Variants in NGFR observed in about 807,000 individuals in gnomAD.
NGFR encodes the protein nerve growth factor receptor, also known as tumor necrosis factor receptor superfamily member 16.
In NGFR, 30 loss-of-function variants were observed where a neutral mutation model predicts 43.2. That is an observed-to-expected ratio of 0.69 (90% confidence interval 0.52 to 0.94). NGFR has a LOEUF of 0.94. NGFR is among the 40% of genes least tolerant of loss of function. NGFR has a pLI of 0.00. For synonymous variants in NGFR, 246 were observed against 259.6 expected, an observed-to-expected ratio of 0.95 and a Z score of 0.50; for missense variants, 529 against 602.5, an observed-to-expected ratio of 0.88 and a Z score of 1.28.
At position 49,495,569 on chromosome 17, in the gene NGFR, C is replaced by CAGAG; in HGVS notation, c.66+87_66+90dup. The CAGAG allele has an allele frequency of 9.1e-7, 1 of 1,093,774 alleles. No homozygotes were observed. Among genetic ancestry groups the CAGAG allele is most frequent in the Non-Finnish European group, 1.2e-6 (1 of 859,490 alleles). The allele number at this position is 1,093,774 out of a possible 1,614,324, so 67.8% of individuals were successfully genotyped here. ...GGGCGCCGCCACCAAGGAAACAGAA[C>CAGAG]AGAGCATTGGGGTCCCAGATACTGA... On this transcript the variant is annotated intron_variant, in intron 1 of 5. Transcript: ENST00000172229. The surrounding 1 kb of genome is among the most constrained non-coding windows in gnomAD (Gnocchi z 6.4).
chr17:49,510,877 C>T, intron 4 of NGFR: 1 of 595,858 alleles, frequency 1.7e-6, no homozygotes. Flanking sequence ...CCTCTCCTGC[C>T]CTGTCCTGGC....
chr17:49,501,207 C>T (rs900146586), intron 1 of NGFR, among the ~76,000 whole-genome samples: 2 of 152,214 alleles, frequency 1.3e-5, no homozygotes, highest in Admixed American at 6.5e-5. Context: ...CCCTTGGTTC[C>T]AGCCCTGTTC....
At chr17:49,507,337 C>G (rs1377710180) in intron 3 of NGFR, among the ~76,000 whole-genome samples, 4 of 152,134 alleles carry the variant, frequency 2.6e-5, no homozygotes, top group African/African-American at 9.7e-5. Context: ...CAACCGTGTT[C>G]CGCAGTTTAG....
chr17:49,505,967 T>TG, intron 2 of NGFR: 1 of 320,306 alleles, frequency 3.1e-6, no homozygotes, highest in South Asian at 1.1e-4. Context: ...TTAATCATGC[T>TG]GGGAACATAG....
rs1021995062 is a variant in NGFR, at chr17:49,506,388, G to A, written c.298G>A (p.Val100Met). 1.9e-6 allele frequency: 3 copies of A among 1,602,356 alleles called. No homozygotes were observed. Among genetic ancestry groups the A allele is most frequent in the Non-Finnish European group, 2.5e-6 (3 of 1,177,424 alleles). ...VGLQSMSAPC[V>M]EADDAVCRCA... Reference sequence around the variant, plus strand: ...GCTCCAGAGCATGTCGGCGCCGTGCGTGGAGGCCGACGACGCCGTGTGCCG... The same window carrying A: ...GCTCCAGAGCATGTCGGCGCCGTGCATGGAGGCCGACGACGCCGTGTGCCG... The change falls in exon 3 of 6, where the codon GTG (valine) becomes ATG (methionine). Residue 100 changes from valine to methionine, a missense_variant. Coordinates refer to ENST00000172229, the MANE Select transcript of NGFR (RefSeq NM_002507.4).
intron 1 of NGFR, chr17:49,496,284 C>T (rs1391704929): frequency 6.6e-6 from 1 of 152,282 alleles, no homozygotes; most frequent in African/African-American, 2.4e-5. Context: ...CGCTCCTGCT[C>T]GCGGCCTCTC....
chr17:49,513,160 C>T lies in NGFR; in HGVS notation c.*151C>T, dbSNP rs1331226624. The T allele has an allele frequency of 2.8e-5, 22 of 796,260 alleles. No homozygotes were observed. Among genetic ancestry groups the T allele is most frequent in the Non-Finnish European group, 2.7e-5 (14 of 520,800 alleles). The allele number at this position is 796,260 out of a possible 1,614,324, so 49.3% of individuals were successfully genotyped here. On this transcript the variant is annotated 3_prime_UTR_variant, in exon 6 of 6. Coordinates refer to ENST00000172229, the MANE Select transcript of NGFR (RefSeq NM_002507.4). ...GGACCTCAGAGTCCAGGCCCCAAAACCACAGCCCTGTCAGTGCAGCCCGTG... is the reference window on the plus strand; with the variant it reads ...GGACCTCAGAGTCCAGGCCCCAAAATCACAGCCCTGTCAGTGCAGCCCGTG...
At chr17:49,501,999 A>ATGGGGGGCC in intron 1 of NGFR, 64 bp from the exon 2 acceptor site, 1 of 330,984 alleles carries the variant, frequency 3.0e-6, no homozygotes, top group Non-Finnish European at 5.9e-6. Context: ...TCCCCGGAAG[A>ATGGGGGGCC]ACCCCCCCCA....
chr17:49,502,000 A>AGGGCCCCC, intron 1 of NGFR, 63 bp from the exon 2 acceptor site: 11 of 264,880 alleles, frequency 4.2e-5, no homozygotes, highest in East Asian at 1.7e-4. Flanking sequence ...CCCCGGAAGA[A>AGGGCCCCC]CCCCCCCCAA....
At chr17:49,506,699 G>GGGGGGGGGGGGGGGGGGGGGGGGGGCCC in intron 3 of NGFR, 41 bp downstream of exon 3, 1 of 402,094 alleles carries the variant, frequency 2.5e-6, no homozygotes, top group Non-Finnish European at 4.3e-6. Flanking sequence ...GGGGTGCGGG[G>GGGGGGGGGGGGGGGGGGGGGGGGGGCCC]GTGGGCTGGG....
chr17:49,510,218 T>C (rs1049564495), intron 3 of NGFR, among the ~76,000 whole-genome samples, 194 bp from the exon 4 acceptor site: 7 of 152,192 alleles, frequency 4.6e-5, no homozygotes, highest in Non-Finnish European at 1.0e-4. Flanking sequence ...CTGAAGGAGA[T>C]GCAGCTCTGT....
At position 49,512,472 on chromosome 17, in the gene NGFR, G is replaced by C. The variant is rs986179651; in HGVS notation, c.983-236G>C. On this transcript the variant is annotated intron_variant, in intron 5 of 5. Coordinates refer to ENST00000172229, the MANE Select transcript of NGFR (RefSeq NM_002507.4). This position sits in a 1 kb window ranked among gnomAD's most constrained non-coding sequence, Gnocchi z 5.2. The stretch of plus-strand genomic sequence containing the variant: ...CCTCCTCTGCCATGATTAATTGCTG[G>C]GGGGGAAGAGAGGAGGGATGGGGAT... Among the ~76,000 whole-genome samples, 1 of 152,196 alleles carries C rather than the reference G, an allele frequency of 6.6e-6. No individual in the cohort carries two copies. The highest frequency in any genetic ancestry group is 1.5e-5 in the Non-Finnish European group (1 of 68,034).
chr17:49,500,049 A>G (rs12450859), intron 1 of NGFR, among the ~76,000 whole-genome samples: 14,214 of 147,644 alleles, frequency 0.096, 807 homozygotes, highest in East Asian at 0.24. Context: ...CAGAAAAGCT[A>G]TATTAAAAAA....
chr17:49,503,204 G>A (rs2071177864), intron 2 of NGFR, among the ~76,000 whole-genome samples: 1 of 152,204 alleles, frequency 6.6e-6, no homozygotes, highest in African/African-American at 2.4e-5. Flanking sequence ...AGAGGCGTGA[G>A]CCACCGTGCT....
At position 49,495,738 on chromosome 17, in the gene NGFR, T is replaced by G. The variant is rs1345570799; in HGVS notation, c.66+255T>G. ...GGTCCTCAGGTACCGCAGGGGGCGG[T>G]GGGGGAGCTGGGAGGGGTCTTTCAA... On this transcript the variant is annotated intron_variant, in intron 1 of 5. Transcript: ENST00000172229. The surrounding 1 kb of genome is among the most constrained non-coding windows in gnomAD (Gnocchi z 6.4). The G allele has an allele frequency of 1.3e-4, 43 of 327,956 alleles. No individual in the cohort carries two copies. The highest frequency in any genetic ancestry group is 1.0e-4 in the Admixed American group (2 of 19,324). The allele number at this position is 327,956 out of a possible 1,614,324, so 20.3% of individuals were successfully genotyped here. A position where few individuals can be genotyped will look rare whatever the true frequency, so the allele number is the denominator to read the frequency against.
In NGFR at chr17:49,510,397, G is replaced by T; in HGVS notation, c.569-15G>T. On this transcript the variant is annotated splice_polypyrimidine_tract_variant and intron_variant, in intron 3 of 5. Transcript: ENST00000172229. Reference sequence around the variant, plus strand: ...GGGGGAAGTGGGTCCTCACTCCTGTGGCCTTTTCTCCCAGAGATCCCTGGC... The same window carrying T: ...GGGGGAAGTGGGTCCTCACTCCTGTTGCCTTTTCTCCCAGAGATCCCTGGC... 1 of 1,612,286 alleles carries T rather than the reference G, an allele frequency of 6.2e-7. No individual in the cohort carries two copies. The highest frequency in any genetic ancestry group is 2.2e-5 in the East Asian group (1 of 44,844).
At chr17:49,504,402 T>C (rs2071184157) in intron 2 of NGFR, among the ~76,000 whole-genome samples, 1 of 152,174 alleles carries the variant, frequency 6.6e-6, no homozygotes, top group South Asian at 2.1e-4. Context: ...TGTCTGACCA[T>C]ATTCCTACCT....
chr17:49,508,580 A>G (rs539012693), intron 3 of NGFR, among the ~76,000 whole-genome samples: 2 of 152,292 alleles, frequency 1.3e-5, no homozygotes, highest in African/African-American at 2.4e-5. Flanking sequence ...AGGTGTCAAC[A>G]TGGTGACTCA....
chr17:49,508,418 C>A (rs1174081321), intron 3 of NGFR, among the ~76,000 whole-genome samples: 1 of 152,194 alleles, frequency 6.6e-6, no homozygotes, highest in Non-Finnish European at 1.5e-5. Flanking sequence ...AGTGTTCATA[C>A]CAGACCCTGT....
Sources: allele counts gnomAD v4.1 joint callset (sites outside exome capture counted in the v4.1 genomes callset), GRCh38; gene constraint gnomAD v4.1.1; non-coding constraint Gnocchi (gnomAD v3.1); transcripts MANE v1.5; gene names NCBI Gene and HGNC (gene_info 2026-07-23, HGNC 2026-07-21).